Variants in ATP8B2 observed in about 807,000 individuals in gnomAD.
ATP8B2 encodes ATPase phospholipid transporting 8B2.
In ATP8B2, 70 loss-of-function variants were observed where a neutral mutation model predicts 133.4. The observed-to-expected ratio is 0.52, with a 90% confidence interval of 0.43 to 0.64. The LOEUF (loss-of-function observed/expected upper bound fraction) is 0.64. ATP8B2 is among the 30% of genes least tolerant of loss of function. ATP8B2 has a pLI of 0.00. For synonymous variants in ATP8B2, 517 were observed against 589.5 expected, an observed-to-expected ratio of 0.88 and a Z score of 1.78; for missense variants, 1,101 against 1,535.7, an observed-to-expected ratio of 0.72 and a Z score of 4.73.
Position 154,345,922 on chromosome 1 carries a change from G to C in ATP8B2, c.2778+39G>C. The stretch of plus-strand genomic sequence containing the variant: ...TGATGATCAGATGGGATGCGGGGAA[G>C]GTCACTGCTTGAAGGAGTCACATAG... On this transcript the variant is annotated intron_variant, in intron 24 of 27. Transcript: ENST00000368489. This position sits in a 1 kb window ranked among gnomAD's most constrained non-coding sequence, Gnocchi z 5.6. 1.3e-6 allele frequency: 2 copies of C among 1,543,178 alleles called. No homozygotes were observed. The highest frequency in any genetic ancestry group is 1.8e-6 in the Non-Finnish European group (2 of 1,116,088).
Position 154,328,028 on chromosome 1 carries a change from C to T in ATP8B2, c.-37-77C>T, listed in dbSNP as rs1685850523. 1.9e-6 allele frequency: 3 copies of T among 1,539,194 alleles called. No individual in the cohort carries two copies. The highest frequency in any genetic ancestry group is 2.7e-5 in the African/African-American group (2 of 73,124). On this transcript the variant is annotated intron_variant, in intron 1 of 27. Coordinates refer to ENST00000368489, the MANE Select transcript of ATP8B2 (RefSeq NM_001370597.1). This position sits in a 1 kb window ranked among gnomAD's most constrained non-coding sequence, Gnocchi z 4.6. ...CAGGGTCAGAGCTGGAGAAGAGGGT[C>T]TTCAAAAGAGGTCTCATGAGGGGAG...
chr1:154,330,692 C>T lies in ATP8B2; in HGVS notation c.91-123C>T, dbSNP rs11265553. 8.2e-4 allele frequency: 706 copies of T among 861,202 alleles called. 3 individuals carry two copies. In the African/African-American group the frequency reaches 0.011, roughly 13 times the overall value. 53.3% of individuals were successfully genotyped at this position (861,202 alleles called of 1,614,324 possible). ...TCTCTCCTCCTCTTTCCCCCTCCCACACCTGTGTTTGCTAGCTTTTGGGGT... is the reference window on the plus strand; with the variant it reads ...TCTCTCCTCCTCTTTCCCCCTCCCATACCTGTGTTTGCTAGCTTTTGGGGT... On this transcript the variant is annotated intron_variant, in intron 3 of 27. Transcript: ENST00000368489.
chr1:154,332,591 G>T (rs772807167), intron 8 of ATP8B2, 27 bp from the exon 9 acceptor site: 1 of 1,540,624 alleles, frequency 6.5e-7, no homozygotes, highest in African/African-American at 1.4e-5. Flanking sequence ...AGGAGGGAGC[G>T]GGGACTCAGA....
At position 154,344,435 on chromosome 1, in the gene ATP8B2, G is replaced by A. The variant is rs181935001; in HGVS notation, c.2076G>A (p.Thr692=). ...TCGGCTATTCCTGCAAGATGCTGAC[G>A]GATGACATGACTGAGGTTTTCATAG... is the stretch of plus-strand genomic sequence containing the variant. ...VNIGYSCKML[T]DDMTEVFIVT... is the part of the protein sequence containing the mutation. Residue 692 remains threonine (T), a synonymous_variant, in exon 20 of 28, where the codon ACG becomes ACA. Transcript: ENST00000368489. This position sits in a 1 kb window ranked among gnomAD's most constrained non-coding sequence, Gnocchi z 4.1. 30 of 1,614,152 alleles carry A rather than the reference G, an allele frequency of 1.9e-5. No homozygotes were observed. The highest frequency in any genetic ancestry group is 1.7e-4 in the Admixed American group (10 of 60,026).
chr1:154,345,369 G>T lies in ATP8B2; in HGVS notation c.2518G>T (p.Val840Phe). 6.2e-7 allele frequency: 1 copy of T among 1,614,220 alleles called. No individual in the cohort carries two copies. The highest frequency in any genetic ancestry group is 8.5e-7 in the Non-Finnish European group (1 of 1,180,040). Residue 840 changes from valine to phenylalanine, a missense_variant, in exon 23 of 28, where the codon GTC becomes TTC. Physicochemically the swap from Val to Phe is conservative, Grantham distance 50. Coordinates refer to ENST00000368489, the MANE Select transcript of ATP8B2 (RefSeq NM_001370597.1). This position sits in a 1 kb window ranked among gnomAD's most constrained non-coding sequence, Gnocchi z 5.6. Reference protein sequence around the residue: ...GISGQEGIQAVLASDYSFSQF... With the variant: ...GISGQEGIQAFLASDYSFSQF... The stretch of plus-strand genomic sequence containing the variant: ...CAGTGGGCAGGAAGGGATCCAGGCT[G>T]TCTTGGCCTCCGATTACTCCTTCTC...
In ATP8B2 at chr1:154,346,460, T is replaced by A. The variant is rs778597357; in HGVS notation, c.3008T>A (p.Ile1003Asn). The A allele has an allele frequency of 1.2e-6, 2 of 1,613,670 alleles. No individual in the cohort carries two copies. The highest frequency in any genetic ancestry group is 1.7e-6 in the Non-Finnish European group (2 of 1,179,678). Reference sequence around the variant, plus strand: ...GTCACTGTGGCCACATCCTTGGTCATTGTGGTTAGCGTGCAGGTATGAGGC... The same window carrying A: ...GTCACTGTGGCCACATCCTTGGTCAATGTGGTTAGCGTGCAGGTATGAGGC... Reference protein sequence around the residue: ...FAVTVATSLVIVVSVQIGLDT... With the variant: ...FAVTVATSLVNVVSVQIGLDT... The change falls in exon 25 of 28, where the codon ATT (isoleucine) becomes AAT (asparagine). Residue 1003 changes from isoleucine (I) to asparagine (N), a missense_variant. Coordinates refer to ENST00000368489, the MANE Select transcript of ATP8B2 (RefSeq NM_001370597.1). The surrounding 1 kb of genome is among the most constrained non-coding windows in gnomAD (Gnocchi z 4.5).
At position 154,331,084 on chromosome 1, in the gene ATP8B2, A is replaced by G. The variant is rs751391161; in HGVS notation, c.241A>G (p.Thr81Ala). 1 of 1,614,062 alleles carries G rather than the reference A, an allele frequency of 6.2e-7. No homozygotes were observed. The change falls in exon 5 of 28, where the codon ACC (threonine) becomes GCC (alanine). Residue 81 changes from threonine to alanine, a missense_variant. Coordinates refer to ENST00000368489, the MANE Select transcript of ATP8B2 (RefSeq NM_001370597.1). This position sits in a 1 kb window ranked among gnomAD's most constrained non-coding sequence, Gnocchi z 4.8. ...PQISSLSWFTTIVPLVLVLTI... is the reference protein window; with the variant it reads ...PQISSLSWFTAIVPLVLVLTI... ...GATCTCTTCCCTGTCCTGGTTCACCACCATTGTGCCTTTGGTTCTTGTCCT... is the reference window on the plus strand; with the variant it reads ...GATCTCTTCCCTGTCCTGGTTCACCGCCATTGTGCCTTTGGTTCTTGTCCT...
chr1:154,341,321 C>CA (rs1558273000), intron 13 of ATP8B2: 2 of 528,372 alleles, frequency 3.8e-6, no homozygotes, highest in South Asian at 2.0e-5. Flanking sequence ...CACATCCCTA[C>CA]AAAAAATTTA....
Position 154,348,830 on chromosome 1 carries a change from C to T in ATP8B2, c.3295-10C>T, listed in dbSNP as rs1240048456. 3.2e-6 allele frequency: 5 copies of T among 1,581,628 alleles called. No individual in the cohort carries two copies. The highest frequency in any genetic ancestry group is 4.3e-6 in the Non-Finnish European group (5 of 1,158,834). ...GCTGACAGAGGGCTCTTCCCTGTGC[C>T]CCTCTGCAGGTCCGCTACACACAGC... On this transcript the variant is annotated splice_polypyrimidine_tract_variant and intron_variant, in intron 27 of 27. Coordinates refer to ENST00000368489, the MANE Select transcript of ATP8B2 (RefSeq NM_001370597.1).
At position 154,343,453 on chromosome 1, in the gene ATP8B2, T is replaced by C. The variant is rs753034; in HGVS notation, c.1643T>C (p.Val548Ala). Residue 548 changes from valine to alanine, a missense_variant and splice_region_variant, in exon 17 of 28, where the codon GTG (valine) becomes GCG (alanine). By Grantham distance (64) the Val-to-Ala change is moderately conservative. Coordinates refer to ENST00000368489, the MANE Select transcript of ATP8B2 (RefSeq NM_001370597.1). The surrounding 1 kb of genome is among the most constrained non-coding windows in gnomAD (Gnocchi z 5.8). ...NNIRKRMSVI[V>A]RNPEGKIRLY... ...CTTTCTTCACCTGCCCCATTCATAG[T>C]GCGGAATCCAGAGGGGAAGATCCGA... The C allele has an allele frequency of 2.5e-6, 4 of 1,613,980 alleles. No homozygotes were observed. The highest frequency in any genetic ancestry group is 1.1e-5 in the South Asian group (1 of 91,068).
rs1451312178 is a variant in ATP8B2, at chr1:154,346,645, C to T, written c.3050C>T (p.Thr1017Met). The T allele has an allele frequency of 5.6e-6, 9 of 1,614,094 alleles. No homozygotes were observed. The highest frequency in any genetic ancestry group is 1.3e-5 in the African/African-American group (1 of 74,934). The change falls in exon 26 of 28, where the codon ACG becomes ATG. Residue 1017 changes from threonine to methionine, a missense_variant. By Grantham distance (81) the Thr-to-Met change is moderately conservative. Coordinates refer to ENST00000368489, the MANE Select transcript of ATP8B2 (RefSeq NM_001370597.1). This position sits in a 1 kb window ranked among gnomAD's most constrained non-coding sequence, Gnocchi z 4.5. ...VQIGLDTGYW[T>M]AINHFFIWGS... ...ATTGGGCTCGACACAGGCTACTGGA[C>T]GGCCATCAACCACTTCTTCATCTGG...
At position 154,349,123 on chromosome 1, in the gene ATP8B2, C is replaced by T. The variant is rs77429057; in HGVS notation, c.*5C>T. ...GACAAGCCCCTCAAGGGCTGAAGGC[C>T]GAGGATGGATGCCCTGTGCCAGTGA... On this transcript the variant is annotated 3_prime_UTR_variant, in exon 28 of 28. Transcript: ENST00000368489. The T allele has an allele frequency of 1.6e-3, 2,525 of 1,611,130 alleles. 45 individuals carry two copies. The African/African-American group carries it at 0.03, about 19-fold the overall frequency.
rs775378950 is a variant in ATP8B2 at position 154,348,900 on chromosome 1, G to A, written c.3355G>A (p.Val1119Ile). 2 of 1,613,794 alleles carry A rather than the reference G, an allele frequency of 1.2e-6. No individual in the cohort carries two copies. The highest frequency in any genetic ancestry group is 2.2e-5 in the East Asian group (1 of 44,878). Reference sequence around the variant, plus strand: ...GGCCCAGCACCGCTGCATGCGGCGGGTTGGCCGCACTGGCTCCCGGCGCTC... The same window carrying A: ...GGCCCAGCACCGCTGCATGCGGCGGATTGGCCGCACTGGCTCCCGGCGCTC... ...QKAQHRCMRR[V>I]GRTGSRRSGY... Residue 1119 changes from valine to isoleucine, a missense_variant, in exon 28 of 28, where the codon GTT becomes ATT. Physicochemically the swap from Val to Ile is conservative, Grantham distance 29 (BLOSUM62 3). Coordinates refer to ENST00000368489, the MANE Select transcript of ATP8B2 (RefSeq NM_001370597.1).
rs1441016672 is a variant in ATP8B2 at position 154,340,925 on chromosome 1, G to T, written c.1106G>T (p.Arg369Leu). 3 of 1,614,150 alleles carry T rather than the reference G, an allele frequency of 1.9e-6. No individual in the cohort carries two copies. Among genetic ancestry groups the T allele is most frequent in the Non-Finnish European group, 2.5e-6 (3 of 1,180,022 alleles). ...WDKKMFCMKK[R>L]TPAEARTTTL... ...AAGAAGATGTTCTGCATGAAGAAGC[G>T]GACGCCTGCAGAAGCCCGCACCACC... The change falls in exon 13 of 28, where the codon CGG becomes CTG. Residue 369 changes from arginine (R) to leucine (L), a missense_variant. Transcript: ENST00000368489. The surrounding 1 kb of genome is among the most constrained non-coding windows in gnomAD (Gnocchi z 4.0).
chr1:154,346,909 C>A lies in ATP8B2; in HGVS notation c.3163+151C>A, dbSNP rs185395036. The A allele has an allele frequency of 1.2e-5, 12 of 1,007,992 alleles. No individual in the cohort carries two copies. The African/African-American group carries it at 1.8e-4, about 15-fold the overall frequency. 62.4% of individuals were successfully genotyped at this position (1,007,992 alleles called of 1,614,324 possible). A position where few individuals can be genotyped will look rare whatever the true frequency, so the allele number is the denominator to read the frequency against. Reference sequence around the variant, plus strand: ...TATTTATTTATTTTCGAGAAGGAGTCTTGCCCAGGCTGGAGTGCAGTGGTG... The same window carrying A: ...TATTTATTTATTTTCGAGAAGGAGTATTGCCCAGGCTGGAGTGCAGTGGTG... On this transcript the variant is annotated intron_variant, in intron 26 of 27. Coordinates refer to ENST00000368489, the MANE Select transcript of ATP8B2 (RefSeq NM_001370597.1). This position sits in a 1 kb window ranked among gnomAD's most constrained non-coding sequence, Gnocchi z 4.5.
At chr1:154,333,125 C>T (rs892777185) in intron 9 of ATP8B2, among the ~76,000 whole-genome samples, 3 of 152,112 alleles carry the variant, frequency 2.0e-5, no homozygotes, top group African/African-American at 7.2e-5. Context: ...GTCTGGTCAA[C>T]ATGGTGAAAC....
At chr1:154,330,603 G>A in intron 3 of ATP8B2, 149 bp downstream of exon 3, 1 of 867,558 alleles carries the variant, frequency 1.2e-6, no homozygotes. Context: ...CTGCTATCGT[G>A]CTGAATTTTT....
In ATP8B2 at chr1:154,348,514, C is replaced by A; in HGVS notation, c.3270C>A (p.Asn1090Lys). 1 of 1,614,106 alleles carries A rather than the reference C, an allele frequency of 6.2e-7. No homozygotes were observed. The highest frequency in any genetic ancestry group is 8.5e-7 in the Non-Finnish European group (1 of 1,180,002). Residue 1090 changes from asparagine (N) to lysine (K), a missense_variant, in exon 27 of 28, where the codon AAC becomes AAA. By Grantham distance (94) the Asn-to-Lys change is moderately conservative. Coordinates refer to ENST00000368489, the MANE Select transcript of ATP8B2 (RefSeq NM_001370597.1). ...PVVAFRFLRL[N>K]LKPDLSDTVR... is the part of the protein sequence containing the mutation. ...TTGCCTTCCGATTCCTCAGGCTCAA[C>A]CTGAAGCCGGATCTCTCCGACACGG...
rs1317092252 is a variant in ATP8B2 at position 154,328,111 on chromosome 1, C to T, written c.-31C>T. 11 of 1,613,958 alleles carry T rather than the reference C, an allele frequency of 6.8e-6. No homozygotes were observed. Among genetic ancestry groups the T allele is most frequent in the Middle Eastern group, 3.3e-4 (2 of 6,076 alleles). On this transcript the variant is annotated 5_prime_UTR_variant, in exon 2 of 28. Transcript: ENST00000368489. This position sits in a 1 kb window ranked among gnomAD's most constrained non-coding sequence, Gnocchi z 4.6. ...CGTCTGTCACTTCTTGCAGGGTCTC[C>T]CATGGGATTGCTGGGATCTTGCTGG...
Sources: gnomAD v4.1 joint callset for allele counts (sites outside exome capture counted in the v4.1 genomes callset) on GRCh38, gnomAD v4.1.1 for gene constraint, Gnocchi (gnomAD v3.1) non-coding constraint, MANE v1.5 for transcripts, NCBI Gene and HGNC (gene_info 2026-07-23, HGNC 2026-07-21) for gene names.